Variants in CARF observed in about 807,000 individuals in gnomAD.
The protein encoded by CARF is calcium-responsive transcription factor.
CARF carries 57 observed loss-of-function variants against 82.0 expected under a neutral mutation model. The observed-to-expected ratio is 0.70, with a 90% CI of 0.56 to 0.87. CARF has a LOEUF of 0.87. CARF is among the 40% of genes least tolerant of loss of function. The pLI is 0.00. For missense variants in CARF, 771 were observed against 855.8 expected (o/e 0.90, Z 1.24); for synonymous variants, 268 against 290.1 (o/e 0.92, Z 0.77).
In CARF at chr2:202,986,545, A is replaced by G. The variant is rs1459467117; in HGVS notation, c.*2921A>G. ...TCCAACTTCCAAGTGAACTTTATATATACTACAGTGAATTATAGATAAATA... is the reference window on the plus strand; with the variant it reads ...TCCAACTTCCAAGTGAACTTTATATGTACTACAGTGAATTATAGATAAATA... On this transcript the variant is annotated 3_prime_UTR_variant, in exon 17 of 17. Transcript: ENST00000438828. The G allele has an allele frequency of 6.6e-6, 1 of 152,076 alleles. No individual in the cohort carries two copies. The highest frequency in any genetic ancestry group is 1.5e-5 in the Non-Finnish European group (1 of 67,964). The allele number at this position is 152,076 out of a possible 1,614,324, so 9.4% of individuals were successfully genotyped here.
chr2:202,941,935 C>T lies in CARF; in HGVS notation c.33C>T (p.Asn11=). 3 of 1,613,222 alleles carry T rather than the reference C, an allele frequency of 1.9e-6. No homozygotes were observed. Among genetic ancestry groups the T allele is most frequent in the Non-Finnish European group, 2.5e-6 (3 of 1,179,454 alleles). The change falls in exon 4 of 17, where the codon AAC becomes AAT. Residue 11 remains asparagine, a synonymous_variant. Transcript: ENST00000438828. MEQSNDSLRV[N]HNDGEESKTS... is the part of the protein sequence containing the mutation. ...AATCTAATGATTCATTAAGAGTCAACCATAATGACGGTGAAGAGTCAAAAA... is the reference window on the plus strand; with the variant it reads ...AATCTAATGATTCATTAAGAGTCAATCATAATGACGGTGAAGAGTCAAAAA...
Position 202,966,965 on chromosome 2 carries a change from T to A in CARF, c.833-13T>A. The A allele has an allele frequency of 6.2e-7, 1 of 1,611,390 alleles. No individual in the cohort carries two copies. The highest frequency in any genetic ancestry group is 8.5e-7 in the Non-Finnish European group (1 of 1,179,038). On this transcript the variant is annotated splice_polypyrimidine_tract_variant and intron_variant, in intron 9 of 16. Coordinates refer to ENST00000438828, the MANE Select transcript of CARF (RefSeq NM_024744.17). ...CACTTGAATTAATATCAATAGTTGG[T>A]TTTGGCCCACAGGGAGTAGAGCTGT...
chr2:202,979,676 C>T lies in CARF; in HGVS notation c.1559-1879C>T, dbSNP rs574174983. ...ATTAGCTGGGCATGGTGTCACACAC[C>T]TGTAGTCCCAGCTACTCAGGAGGCT... On this transcript the variant is annotated intron_variant, in intron 14 of 16. Transcript: ENST00000438828. Among the ~76,000 whole-genome samples, 440 of 151,904 alleles carry T rather than the reference C, an allele frequency of 2.9e-3. 2 individuals are homozygous for T. Among genetic ancestry groups the T allele is most frequent in the Non-Finnish European group, 5.6e-3 (381 of 67,938 alleles).
In CARF at chr2:202,941,925, T is replaced by C. The variant is rs776427133; in HGVS notation, c.23T>C (p.Leu8Ser). MEQSNDS[L>S]RVNHNDGEES... ...AGCATGGAACAATCTAATGATTCATTAAGAGTCAACCATAATGACGGTGAA... is the reference window on the plus strand; with the variant it reads ...AGCATGGAACAATCTAATGATTCATCAAGAGTCAACCATAATGACGGTGAA... The change falls in exon 4 of 17, where the codon TTA becomes TCA. Residue 8 changes from leucine (L) to serine (S), a missense_variant. Physicochemically the swap from Leu to Ser is moderately radical, Grantham distance 145 (BLOSUM62 -2). Coordinates refer to ENST00000438828, the MANE Select transcript of CARF (RefSeq NM_024744.17). The C allele has an allele frequency of 6.8e-6, 11 of 1,613,058 alleles. No homozygotes were observed. The highest frequency in any genetic ancestry group is 3.3e-5 in the Admixed American group (2 of 59,978).
chr2:202,916,960 C>T (rs1420100080), intron 1 of CARF, among the ~76,000 whole-genome samples: 1 of 152,100 alleles, frequency 6.6e-6, no homozygotes. Flanking sequence ...CCTGTAATCC[C>T]AGCACTTTGG....
chr2:202,983,416 A>C (rs905798149), intron 16 of CARF, 90 bp from the exon 17 acceptor site: 2 of 816,036 alleles, frequency 2.5e-6, no homozygotes, highest in African/African-American at 3.5e-5. Flanking sequence ...TTTTCACAGA[A>C]GTTATTTTTA....
At chr2:202,916,881 C>G (rs1289032531) in intron 1 of CARF, among the ~76,000 whole-genome samples, 4 of 152,118 alleles carry the variant, frequency 2.6e-5, no homozygotes, top group Non-Finnish European at 5.9e-5. Flanking sequence ...CATTCACTGT[C>G]TAAAAACAAT....
chr2:202,971,764 T>A, intron 12 of CARF, 26 bp downstream of exon 12: 1 of 1,563,706 alleles, frequency 6.4e-7, no homozygotes, highest in Non-Finnish European at 8.8e-7. Flanking sequence ...ATTGTTCTTT[T>A]ACATTTTTCA....
At chr2:202,964,316 G>A (rs2105892766) in intron 9 of CARF, among the ~76,000 whole-genome samples, 1 of 152,158 alleles carries the variant, frequency 6.6e-6, no homozygotes, top group African/African-American at 2.4e-5. Flanking sequence ...GTCTCACTCT[G>A]TCACCCAGGC....
rs935088823 is a variant in CARF, at chr2:202,918,011, G to A, written c.-195G>A. 3 of 451,118 alleles carry A rather than the reference G, an allele frequency of 6.7e-6. No individual in the cohort carries two copies. Among genetic ancestry groups the A allele is most frequent in the South Asian group, 4.8e-5 (3 of 62,952 alleles). The allele number at this position is 451,118 out of a possible 1,614,324, so 27.9% of individuals were successfully genotyped here. On this transcript the variant is annotated 5_prime_UTR_variant, in exon 2 of 17. Transcript: ENST00000438828. ...TTCTGGGGGTAGTAGAATGCTTGAG[G>A]CCTGGAATTTAAACCTGAGCCACTA...
At chr2:202,919,683 AG>A (rs1690420492) in intron 2 of CARF, among the ~76,000 whole-genome samples, 1 of 152,236 alleles carries the variant, frequency 6.6e-6, no homozygotes, top group African/African-American at 2.4e-5. Flanking sequence ...TAACCTATCC[AG>A]AAAAAGATTT....
At chr2:202,937,569 C>T (rs1175221699) in intron 3 of CARF, among the ~76,000 whole-genome samples, 1 of 151,648 alleles carries the variant, frequency 6.6e-6, no homozygotes, top group African/African-American at 2.4e-5. Flanking sequence ...TTTCTCTTCC[C>T]TTCTATAATG....
Position 202,988,066 on chromosome 2 carries a change from C to T in CARF, c.*4442C>T, listed in dbSNP as rs1401586336. Among the ~76,000 whole-genome samples the T allele has an allele frequency of 1.3e-5, 2 of 152,092 alleles. No homozygotes were observed. The highest frequency in any genetic ancestry group is 2.9e-5 in the Non-Finnish European group (2 of 68,012). ...ACAAATGAAATCACATAATATGAAC[C>T]TTTTTTGGTCTAGCTTTTGTCACTT... is the stretch of plus-strand genomic sequence containing the variant. On this transcript the variant is annotated 3_prime_UTR_variant, in exon 17 of 17. Transcript: ENST00000438828.
intron 3 of CARF, among the ~76,000 whole-genome samples, chr2:202,939,688 T>TC (rs1282187319): frequency 2.5e-4 from 36 of 143,870 alleles, no homozygotes; most frequent in African/African-American, 7.9e-4. Context: ...TTTTTTTCTT[T>TC]TTTTTTTTTT....
chr2:202,940,743 T>C (rs1403003619), intron 3 of CARF, among the ~76,000 whole-genome samples: 1 of 152,138 alleles, frequency 6.6e-6, no homozygotes, highest in Non-Finnish European at 1.5e-5. Context: ...AAAACTAATG[T>C]ATTAGAACTA....
intron 8 of CARF, 144 bp downstream of exon 8, chr2:202,955,902 T>C (rs2059014995): frequency 1.9e-6 from 1 of 515,196 alleles, no homozygotes; most frequent in South Asian, 3.3e-5. Flanking sequence ...TCTCATCTAT[T>C]GTTGAATTCT....
At chr2:202,945,410 C>T (rs543057027) in intron 5 of CARF, among the ~76,000 whole-genome samples, 1 of 152,152 alleles carries the variant, frequency 6.6e-6, no homozygotes, top group African/African-American at 2.4e-5. Context: ...ATTTCATCCA[C>T]CCATGCATTA....
At chr2:202,925,283 A>T (rs373768511) in intron 3 of CARF, 2 of 360,044 alleles carry the variant, frequency 5.6e-6, no homozygotes, top group Non-Finnish European at 1.1e-5. Context: ...CACCTGGAAG[A>T]GCTGACTGAC....
chr2:202,966,068 G>A (rs1376656884), intron 9 of CARF, among the ~76,000 whole-genome samples: 5 of 152,120 alleles, frequency 3.3e-5, no homozygotes, highest in Non-Finnish European at 5.9e-5. Context: ...CTTACCACTT[G>A]GCAGATGATT....
Sources: allele counts gnomAD v4.1 joint callset (sites outside exome capture counted in the v4.1 genomes callset), GRCh38; gene constraint gnomAD v4.1.1; transcripts MANE v1.5; gene names NCBI Gene and HGNC (gene_info 2026-07-23, HGNC 2026-07-21).